NOL4: variants seen among roughly 807,000 people sequenced by gnomAD.
NOL4 encodes nucleolar protein 4, also known as cancer/testis antigen 125.
A neutral mutation model predicts 75.9 loss-of-function variants in NOL4; 17 were observed. That is an observed-to-expected ratio of 0.22 (90% CI 0.15 to 0.34). The LOEUF (loss-of-function observed/expected upper bound fraction) is 0.34. Among genes scored for constraint, NOL4 ranks in the 10% least tolerant of loss-of-function variants. The pLI, the probability that NOL4 is intolerant of heterozygous loss-of-function variation, is 1.00. For synonymous variants in NOL4, 292 were observed against 289.9 expected, an observed-to-expected ratio of 1.01 and a Z score of -0.07; for missense variants, 614 against 793.5, an observed-to-expected ratio of 0.77 and a Z score of 2.72.
chr18:34,060,883 T>C (rs947591015), intron 5 of NOL4, among the ~76,000 whole-genome samples: 7 of 152,182 alleles, frequency 4.6e-5, no homozygotes, highest in Non-Finnish European at 1.0e-4. Flanking sequence ...AGATCATCCA[T>C]ATGAAATTCC....
chr18:33,940,108 T>C (rs2068363735), intron 9 of NOL4, among the ~76,000 whole-genome samples: 1 of 151,864 alleles, frequency 6.6e-6, no homozygotes, highest in Non-Finnish European at 1.5e-5. Context: ...TTGGTGGAAG[T>C]GTAAATTAGT....
chr18:33,919,619 G>T (rs1262235054), intron 9 of NOL4, among the ~76,000 whole-genome samples: 1 of 152,112 alleles, frequency 6.6e-6, no homozygotes, highest in Admixed American at 6.5e-5. Flanking sequence ...ATAATTTAAG[G>T]CTTGTTTAGC....
intron 8 of NOL4, among the ~76,000 whole-genome samples, chr18:33,951,017 C>G (rs1200971215): frequency 6.6e-6 from 1 of 151,996 alleles, no homozygotes; most frequent in East Asian, 1.9e-4. Flanking sequence ...AGGGTGAGAC[C>G]AAAGCTCAGA....
intron 2 of NOL4, among the ~76,000 whole-genome samples, chr18:34,115,052 C>T (rs572359901): frequency 6.6e-6 from 1 of 152,062 alleles, no homozygotes; most frequent in Non-Finnish European, 1.5e-5. Context: ...AAAGAGTCCT[C>T]GGCAGAATTT....
chr18:33,865,437 C>G (rs918652520), intron 10 of NOL4, among the ~76,000 whole-genome samples: 2 of 151,634 alleles, frequency 1.3e-5, no homozygotes, highest in African/African-American at 2.4e-5. Context: ...TTTGATCTGC[C>G]GTTGGTTCAG....
intron 9 of NOL4, among the ~76,000 whole-genome samples, chr18:33,928,196 G>A (rs1599897259): frequency 6.6e-6 from 1 of 152,134 alleles, no homozygotes; most frequent in South Asian, 2.1e-4. Context: ...TCTTCATGGA[G>A]ATCCCAGTAA....
At chr18:33,989,014 A>C (rs1472867292) in intron 6 of NOL4, among the ~76,000 whole-genome samples, 7 of 151,510 alleles carry the variant, frequency 4.6e-5, no homozygotes, top group Non-Finnish European at 1.0e-4. Context: ...TGGGCAAGAT[A>C]AAAAAGCCCA....
At chr18:33,975,046 C>A (rs1415988637) in intron 6 of NOL4, among the ~76,000 whole-genome samples, 1 of 149,584 alleles carries the variant, frequency 6.7e-6, no homozygotes, top group African/African-American at 2.5e-5. Flanking sequence ...GTTCATTACA[C>A]TATGTTAAAT....
At chr18:34,089,667 T>G (rs2078413440) in intron 5 of NOL4, among the ~76,000 whole-genome samples, 1 of 152,220 alleles carries the variant, frequency 6.6e-6, no homozygotes, top group Non-Finnish European at 1.5e-5. Flanking sequence ...TAGGCTTTTC[T>G]TTTGTTTTCA....
intron 5 of NOL4, among the ~76,000 whole-genome samples, chr18:34,055,636 T>C (rs1413383893): frequency 6.6e-6 from 1 of 152,146 alleles, no homozygotes; most frequent in Non-Finnish European, 1.5e-5. Flanking sequence ...TGTATATCCG[T>C]TTCTTTCCTC....
At chr18:34,110,000 T>C (rs1051812370) in intron 2 of NOL4, among the ~76,000 whole-genome samples, 4 of 151,190 alleles carry the variant, frequency 2.6e-5, no homozygotes, top group South Asian at 2.1e-4. Flanking sequence ...AGGGATCAAA[T>C]CAGTAATCAA....
At chr18:33,888,020 G>C (rs1359282726) in intron 9 of NOL4, among the ~76,000 whole-genome samples, 2 of 152,152 alleles carry the variant, frequency 1.3e-5, no homozygotes, top group East Asian at 3.9e-4. Flanking sequence ...GGTTGAACTA[G>C]TTTACAGTCC....
intron 5 of NOL4, among the ~76,000 whole-genome samples, chr18:34,028,528 G>A (rs1236292840): frequency 6.6e-6 from 1 of 152,228 alleles, no homozygotes; most frequent in Non-Finnish European, 1.5e-5. Context: ...GCCAAGGCAG[G>A]CGCCTGACCA....
At chr18:34,046,607 C>CATACATATATATATATAT in intron 5 of NOL4, among the ~76,000 whole-genome samples, 1 of 81,654 alleles carries the variant, frequency 1.2e-5, no homozygotes, top group East Asian at 3.4e-4. Context: ...TTTACTTATA[C>CATACATATATATATATAT]ATATATATAT....
chr18:34,049,789 C>A (rs2076554305), intron 5 of NOL4, among the ~76,000 whole-genome samples: 1 of 152,094 alleles, frequency 6.6e-6, no homozygotes, highest in African/African-American at 2.4e-5. Flanking sequence ...TCTATTCTTT[C>A]AAGTGCTGAG....
chr18:33,950,575 G>T (rs1001754408), intron 8 of NOL4, among the ~76,000 whole-genome samples: 1 of 152,108 alleles, frequency 6.6e-6, no homozygotes, highest in African/African-American at 2.4e-5. Flanking sequence ...GTGATACAGA[G>T]ATGAACAAGT....
chr18:34,167,821 T>A (rs952540735), intron 1 of NOL4, among the ~76,000 whole-genome samples: 33 of 152,030 alleles, frequency 2.2e-4, no homozygotes, highest in Non-Finnish European at 4.4e-4. Flanking sequence ...AAGTCTTGGA[T>A]TCTAGTAAAT....
At chr18:34,127,295 A>G (rs1022411148) in intron 2 of NOL4, among the ~76,000 whole-genome samples, 10 of 151,972 alleles carry the variant, frequency 6.6e-5, no homozygotes, top group Non-Finnish European at 1.5e-4. Context: ...AAAGATTTGC[A>G]AAAAGGCAAA....
intron 9 of NOL4, among the ~76,000 whole-genome samples, chr18:33,931,923 C>T (rs1177324634): frequency 5.9e-5 from 9 of 151,870 alleles, no homozygotes; most frequent in Non-Finnish European, 8.8e-5. Context: ...ATACCACTAT[C>T]ATGCAAATCA....
Sources: allele counts gnomAD v4.1 joint callset (sites outside exome capture counted in the v4.1 genomes callset), GRCh38; gene constraint gnomAD v4.1.1; transcripts MANE v1.5; gene names NCBI Gene and HGNC (gene_info 2026-07-23, HGNC 2026-07-21).